Variants in UNC93A observed in about 807,000 individuals in gnomAD.
UNC93A encodes the protein unc-93 homolog A.
Under a neutral mutation model 47.5 loss-of-function variants are expected in UNC93A, and 43 were observed. That is an observed-to-expected ratio of 0.91 (90% CI 0.71 to 1.17). UNC93A has a LOEUF of 1.17. Among genes scored for constraint, UNC93A ranks in the 50% most tolerant of loss-of-function variants. UNC93A has a pLI of 0.00. For synonymous variants in UNC93A, 280 were observed against 258.0 expected, an observed-to-expected ratio of 1.09 and a Z score of -0.82; for missense variants, 605 against 577.6, an observed-to-expected ratio of 1.05 and a Z score of -0.49.
intron 1 of UNC93A, among the ~76,000 whole-genome samples, chr6:167,278,783 G>A (rs916195504): frequency 6.6e-6 from 1 of 152,132 alleles, no homozygotes; most frequent in Admixed American, 6.5e-5. Context: ...TCTCAGGGTG[G>A]CACTGTGTGG....
intron 4 of UNC93A, 150 bp from the exon 5 acceptor site, chr6:167,303,769 C>T: frequency 1.4e-6 from 1 of 703,476 alleles, no homozygotes; most frequent in South Asian, 1.8e-5. Flanking sequence ...ACCTGAGATC[C>T]TTAAGCATGT....
upstream of UNC93A, among the ~76,000 whole-genome samples, chr6:167,270,057 TGGGGGTGG>T (rs1182725702): frequency 5.2e-4 from 2 of 3,866 alleles, no homozygotes; most frequent in African/African-American, 2.7e-3. Flanking sequence ...GGGGTGGGGG[TGGGGGTGG>T]GGGGGGGGCG....
intron 1 of UNC93A, among the ~76,000 whole-genome samples, chr6:167,294,252 C>T (rs1161356267): frequency 1.3e-5 from 2 of 152,210 alleles, no homozygotes; most frequent in Non-Finnish European, 2.9e-5. Flanking sequence ...GAGCGGCTCT[C>T]ACAGCCATCC....
chr6:167,300,414 G>C (rs545699427), intron 4 of UNC93A, among the ~76,000 whole-genome samples: 7 of 152,284 alleles, frequency 4.6e-5, no homozygotes, highest in Admixed American at 6.5e-5. Context: ...TGTAGAATCA[G>C]CTGGGGAGGG....
intron 2 of UNC93A, among the ~76,000 whole-genome samples, chr6:167,295,270 CTGA>C (rs1778026242): frequency 6.6e-6 from 1 of 152,244 alleles, no homozygotes; most frequent in Admixed American, 6.5e-5. Flanking sequence ...GGACATGCTG[CTGA>C]TGATGGCTGC....
intron 4 of UNC93A, 66 bp downstream of exon 4, chr6:167,298,136 G>T (rs1008358104): frequency 1.3e-6 from 2 of 1,553,468 alleles, no homozygotes; most frequent in East Asian, 4.5e-5. Context: ...TTCCTGGGCT[G>T]ACAAAGACTG....
At chr6:167,296,727 T>C (rs1320480643) in intron 3 of UNC93A, among the ~76,000 whole-genome samples, 1 of 152,214 alleles carries the variant, frequency 6.6e-6, no homozygotes, top group African/African-American at 2.4e-5. Flanking sequence ...ATGCCCTGGC[T>C]CCTCTGTCTC....
chr6:167,280,388 C>A (rs10455988), intron 1 of UNC93A, among the ~76,000 whole-genome samples: 2,778 of 152,266 alleles, frequency 0.018, 40 homozygotes, highest in Non-Finnish European at 0.029. Context: ...ATATGAATTA[C>A]TTGCTGTTAA....
chr6:167,303,924 G>A lies in UNC93A; in HGVS notation c.631G>A (p.Gly211Ser). 1.2e-6 allele frequency: 2 copies of A among 1,613,820 alleles called. No individual in the cohort carries two copies. The highest frequency in any genetic ancestry group is 1.7e-6 in the Non-Finnish European group (2 of 1,179,956). The change falls in exon 5 of 8, where the codon GGT becomes AGT. Residue 211 changes from glycine (G) to serine (S), a missense_variant. Gly to Ser is a moderately conservative substitution (Grantham distance 56). Transcript: ENST00000230256. ...YTLLGIYTGSGVLAVLMIAAF... is the reference protein window; with the variant it reads ...YTLLGIYTGSSVLAVLMIAAF... ...CCTTTGCTATGTCCTTTCAGGGAGTGGTGTCCTGGCTGTCCTGATGATAGC... is the reference window on the plus strand; with the variant it reads ...CCTTTGCTATGTCCTTTCAGGGAGTAGTGTCCTGGCTGTCCTGATGATAGC...
intron 4 of UNC93A, among the ~76,000 whole-genome samples, chr6:167,301,471 C>A (rs946642607): frequency 5.1e-4 from 77 of 152,168 alleles, no homozygotes; most frequent in African/African-American, 1.9e-3. Context: ...AACAAGAACA[C>A]CCTCTCCCTG....
At chr6:167,280,225 G>A (rs1783609264) in intron 1 of UNC93A, among the ~76,000 whole-genome samples, 1 of 152,204 alleles carries the variant, frequency 6.6e-6, no homozygotes, top group Non-Finnish European at 1.5e-5. Flanking sequence ...TGCCTTGAGA[G>A]TGGCTCCTAC....
chr6:167,302,064 G>A (rs1457152604), intron 4 of UNC93A, among the ~76,000 whole-genome samples: 1 of 152,166 alleles, frequency 6.6e-6, no homozygotes, highest in Non-Finnish European at 1.5e-5. Context: ...TAGCCAAGAT[G>A]GAAAGTAGCC....
rs773360612 is a variant in UNC93A, at chr6:167,296,162, G to A, written c.400G>A (p.Val134Met). The A allele has an allele frequency of 3.1e-6, 5 of 1,614,226 alleles. No individual in the cohort carries two copies. The highest frequency in any genetic ancestry group is 4.2e-6 in the Non-Finnish European group (5 of 1,180,052). The change falls in exon 3 of 8, where the codon GTG (valine) becomes ATG (methionine). Residue 134 changes from valine to methionine, a missense_variant. Transcript: ENST00000230256. Reference sequence around the variant, plus strand: ...GGCGGGAAAGCGTGGCAAAGACATGGTGAACCAGTATTTTGGCATCTTCTT... The same window carrying A: ...GGCGGGAAAGCGTGGCAAAGACATGATGAACCAGTATTTTGGCATCTTCTT... ...EKAGKRGKDM[V>M]NQYFGIFFLI...
intron 4 of UNC93A, 39 bp downstream of exon 4, chr6:167,298,109 A>G: frequency 1.3e-6 from 2 of 1,596,420 alleles, no homozygotes; most frequent in Non-Finnish European, 1.7e-6. Flanking sequence ...TCCCTAGCAA[A>G]GCAGAGCCAA....
At chr6:167,281,353 A>C (rs1162653214) in intron 1 of UNC93A, among the ~76,000 whole-genome samples, 1 of 152,162 alleles carries the variant, frequency 6.6e-6, no homozygotes, top group Non-Finnish European at 1.5e-5. Context: ...GTTTATTCTG[A>C]GACCAGAGGG....
intron 1 of UNC93A, among the ~76,000 whole-genome samples, chr6:167,281,580 A>C (rs758541933): frequency 7.2e-5 from 11 of 152,152 alleles, no homozygotes; most frequent in Non-Finnish European, 1.0e-4. Flanking sequence ...CAACTCCACA[A>C]AACGCCCATA....
intron 3 of UNC93A, among the ~76,000 whole-genome samples, chr6:167,296,950 A>G (rs532600368): frequency 6.6e-6 from 1 of 152,330 alleles, no homozygotes; most frequent in East Asian, 1.9e-4. Flanking sequence ...CCATCTTGCT[A>G]TCCCATAAAA....
At chr6:167,315,134 A>G in intron 7 of UNC93A, 53 bp from the exon 8 acceptor site, 1 of 1,591,626 alleles carries the variant, frequency 6.3e-7, no homozygotes, top group Non-Finnish European at 8.5e-7. Flanking sequence ...TTTCACAAAC[A>G]GGGTCACTGT....
upstream of UNC93A, among the ~76,000 whole-genome samples, chr6:167,270,073 G>A (rs918066849): frequency 5.3e-5 from 6 of 114,254 alleles, no homozygotes; most frequent in South Asian, 1.1e-3. Flanking sequence ...TGGGGGGGGG[G>A]CGTTCACATG....
Sources: allele counts gnomAD v4.1 joint callset (sites outside exome capture counted in the v4.1 genomes callset), GRCh38; gene constraint gnomAD v4.1.1; transcripts MANE v1.5; gene names NCBI Gene and HGNC (gene_info 2026-07-23, HGNC 2026-07-21).